Variants in PPP2R2A observed in about 807,000 individuals in gnomAD.
PPP2R2A encodes the protein protein phosphatase 2 regulatory subunit Balpha.
Under a neutral mutation model 53.2 loss-of-function variants are expected in PPP2R2A, and 9 were observed. The observed-to-expected ratio is 0.17, with a 90% CI of 0.10 to 0.30. The LOEUF is 0.30. Among genes scored for constraint, PPP2R2A ranks in the 10% least tolerant of loss-of-function variants. PPP2R2A has a pLI of 1.00. For synonymous variants in PPP2R2A, 169 were observed against 174.2 expected (o/e 0.97, Z 0.23); for missense variants, 235 against 534.6 (o/e 0.44, Z 5.53).
In PPP2R2A at chr8:26,370,063, G is replaced by A; in HGVS notation, c.1065-71G>A. The A allele has an allele frequency of 6.7e-7, 1 of 1,493,126 alleles. No individual in the cohort carries two copies. Among genetic ancestry groups the A allele is most frequent in the Non-Finnish European group, 9.2e-7 (1 of 1,091,008 alleles). The allele number at this position is 1,493,126 out of a possible 1,614,324, so 92.5% of individuals were successfully genotyped here. A position where few individuals can be genotyped will look rare whatever the true frequency, so the allele number is the denominator to read the frequency against. Reference sequence around the variant, plus strand: ...TGAAGTAGCTTCCTATGGTTTAATTGCCGAATCATTTTACTTGAAAACAAT... The same window carrying A: ...TGAAGTAGCTTCCTATGGTTTAATTACCGAATCATTTTACTTGAAAACAAT... On this transcript the variant is annotated intron_variant, in intron 9 of 9. Coordinates refer to ENST00000380737, the MANE Select transcript of PPP2R2A (RefSeq NM_002717.4). The surrounding 1 kb of genome is among the most constrained non-coding windows in gnomAD (Gnocchi z 6.1).
intron 2 of PPP2R2A, among the ~76,000 whole-genome samples, chr8:26,323,988 A>G (rs1802966964): frequency 6.6e-6 from 1 of 152,234 alleles, no homozygotes; most frequent in African/African-American, 2.4e-5. Context: ...GTGTCTTATC[A>G]CATGTTAGGA....
intron 2 of PPP2R2A, among the ~76,000 whole-genome samples, chr8:26,327,149 G>T (rs1395514201): frequency 6.6e-6 from 1 of 152,176 alleles, no homozygotes; most frequent in East Asian, 1.9e-4. Context: ...TGACTAGAGT[G>T]CCTGGGCAGA....
intron 2 of PPP2R2A, among the ~76,000 whole-genome samples, chr8:26,310,443 C>T (rs186673314): frequency 6.0e-5 from 9 of 149,882 alleles, no homozygotes; most frequent in South Asian, 2.1e-4. Flanking sequence ...TGTTATCAGA[C>T]GTACAGTTTT....
chr8:26,333,881 C>A (rs901478809), intron 2 of PPP2R2A, among the ~76,000 whole-genome samples: 1 of 152,162 alleles, frequency 6.6e-6, no homozygotes, highest in Non-Finnish European at 1.5e-5. Context: ...AAGAGTGAAA[C>A]CTGCCTGGGT....
chr8:26,311,746 T>G (rs1356196795), intron 2 of PPP2R2A, among the ~76,000 whole-genome samples: 1 of 152,206 alleles, frequency 6.6e-6, no homozygotes, highest in African/African-American at 2.4e-5. Context: ...TCTCTTGTTT[T>G]CCCTTTTTTC....
intron 3 of PPP2R2A, among the ~76,000 whole-genome samples, chr8:26,352,935 C>T (rs539309381): frequency 6.6e-6 from 1 of 152,308 alleles, no homozygotes; most frequent in African/African-American, 2.4e-5. Context: ...GTCTATCCCT[C>T]TACGCCCTAG....
intron 2 of PPP2R2A, among the ~76,000 whole-genome samples, chr8:26,294,044 C>T (rs764602767): frequency 2.0e-5 from 3 of 152,074 alleles, no homozygotes; most frequent in Non-Finnish European, 4.4e-5. Flanking sequence ...TATGTAAATT[C>T]CACATACAAA....
chr8:26,357,287 C>G (rs1804836541), intron 4 of PPP2R2A, among the ~76,000 whole-genome samples: 4 of 141,396 alleles, frequency 2.8e-5, no homozygotes, highest in Admixed American at 1.4e-4. Flanking sequence ...AGTAACACCC[C>G]CCCCCCCCAA....
chr8:26,304,988 T>G (rs1455361830), intron 2 of PPP2R2A, among the ~76,000 whole-genome samples: 1 of 152,210 alleles, frequency 6.6e-6, no homozygotes, highest in Non-Finnish European at 1.5e-5. Context: ...TGTTCAGTAG[T>G]GTTAACTCTA....
chr8:26,293,883 C>T (rs1801420181), intron 2 of PPP2R2A, 143 bp downstream of exon 2: 1 of 721,340 alleles, frequency 1.4e-6, no homozygotes, highest in Non-Finnish European at 2.2e-6. Flanking sequence ...TTAAAAGATA[C>T]CTTTCTGAAA....
intron 2 of PPP2R2A, among the ~76,000 whole-genome samples, chr8:26,300,272 G>T (rs540267263): frequency 9.2e-5 from 14 of 152,242 alleles, no homozygotes; most frequent in Admixed American, 3.3e-4. Context: ...GAAAATTGTG[G>T]AATAAGCAGA....
chr8:26,341,951 G>A (rs756145674), intron 3 of PPP2R2A, among the ~76,000 whole-genome samples: 2 of 152,104 alleles, frequency 1.3e-5, no homozygotes, highest in East Asian at 1.9e-4. Flanking sequence ...TGATCCAGGC[G>A]GGTATCTGTG....
intron 2 of PPP2R2A, among the ~76,000 whole-genome samples, chr8:26,307,946 T>A (rs1478677500): frequency 6.6e-6 from 1 of 152,194 alleles, no homozygotes; most frequent in Non-Finnish European, 1.5e-5. Context: ...TAAAATCAAA[T>A]ATAGGCATAC....
chr8:26,330,421 A>T (rs1317777293), intron 2 of PPP2R2A, among the ~76,000 whole-genome samples: 3 of 148,852 alleles, frequency 2.0e-5, no homozygotes. Context: ...CGATCCTCCC[A>T]TGTTCAAGCA....
chr8:26,369,988 G>T (rs750742970), intron 9 of PPP2R2A, 146 bp from the exon 10 acceptor site: 226 of 740,194 alleles, frequency 3.1e-4, no homozygotes, highest in Non-Finnish European at 4.7e-4. Context: ...GTTTATTCTA[G>T]TGATTGAGTT....
At position 26,363,478 on chromosome 8, in the gene PPP2R2A, G is replaced by A. The variant is rs187714172; in HGVS notation, c.803-243G>A. On this transcript the variant is annotated intron_variant, in intron 7 of 9. Coordinates refer to ENST00000380737, the MANE Select transcript of PPP2R2A (RefSeq NM_002717.4). ...GAAGTCAGAAGTCCCAGGTGAGTCT[G>A]GTTCTAAATTAGTCATATGACTGGA... 5.2e-3 allele frequency: 1,715 copies of A among 327,332 alleles called. 11 individuals carry two copies. Among genetic ancestry groups the A allele is most frequent in the Middle Eastern group, 0.01 (12 of 1,160 alleles). The allele number at this position is 327,332 out of a possible 1,614,324, so 20.3% of individuals were successfully genotyped here. A position where few individuals can be genotyped will look rare whatever the true frequency, so the allele number is the denominator to read the frequency against.
chr8:26,355,112 C>T (rs1462339940), intron 4 of PPP2R2A, among the ~76,000 whole-genome samples: 1 of 152,156 alleles, frequency 6.6e-6, no homozygotes, highest in Non-Finnish European at 1.5e-5. Context: ...TCTCAAACTG[C>T]AGATACAAAA....
At chr8:26,339,279 C>T (rs1803819604) in intron 3 of PPP2R2A, among the ~76,000 whole-genome samples, 1 of 152,032 alleles carries the variant, frequency 6.6e-6, no homozygotes, top group Non-Finnish European at 1.5e-5. Flanking sequence ...GGTTTTGAAG[C>T]CTTGGCCCTT....
intron 2 of PPP2R2A, among the ~76,000 whole-genome samples, chr8:26,310,358 A>G (rs1036637115): frequency 7.0e-6 from 1 of 143,750 alleles, no homozygotes; most frequent in South Asian, 2.2e-4. Flanking sequence ...TTTTTATATT[A>G]TATCTGTTAA....
Sources: gnomAD v4.1 joint callset for allele counts (sites outside exome capture counted in the v4.1 genomes callset) on GRCh38, gnomAD v4.1.1 for gene constraint, Gnocchi (gnomAD v3.1) non-coding constraint, MANE v1.5 for transcripts, NCBI Gene and HGNC (gene_info 2026-07-23, HGNC 2026-07-21) for gene names.